The following NUBPL variants were observed in gnomAD, a reference collection of about 807,000 sequenced individuals.
NUBPL encodes the protein iron-sulfur cluster transfer protein NUBPL.
NUBPL carries 31 observed loss-of-function variants against 45.7 expected under a neutral mutation model. That is an observed-to-expected ratio of 0.68 (90% confidence interval 0.51 to 0.92). The LOEUF (loss-of-function observed/expected upper bound fraction) is 0.92, where lower values mean the gene tolerates loss of function less well. Among genes scored for constraint, NUBPL ranks in the 40% least tolerant of loss-of-function variants. The pLI, the probability that NUBPL is intolerant of heterozygous loss-of-function variation, is 0.00. For synonymous variants in NUBPL, 144 were observed against 140.9 expected, an observed-to-expected ratio of 1.02 and a Z score of -0.15; for missense variants, 401 against 398.7, an observed-to-expected ratio of 1.01 and a Z score of -0.05.
At chr14:31,593,556 G>A (rs2139534950) in intron 3 of NUBPL, among the ~76,000 whole-genome samples, 1 of 150,702 alleles carries the variant, frequency 6.6e-6, no homozygotes, top group South Asian at 2.1e-4. Flanking sequence ...GTTTTGGTAT[G>A]GGGGCGGAGG....
Position 31,830,157 on chromosome 14 carries a change from C to G in NUBPL, c.693+3443C>G, listed in dbSNP as rs561556194. On this transcript the variant is annotated intron_variant, in intron 8 of 10. Transcript: ENST00000281081. ...ATTAAAGTATATTTATTCTCTTACT[C>G]CTTCGGCACATAAGGGATCACTTAG... Among the ~76,000 whole-genome samples the G allele has an allele frequency of 4.6e-5, 7 of 152,256 alleles. No homozygotes were observed. The South Asian group carries it at 1.2e-3, about 27-fold the overall frequency.
chr14:31,768,007 A>T (rs1335935099), intron 6 of NUBPL, among the ~76,000 whole-genome samples: 1 of 152,172 alleles, frequency 6.6e-6, no homozygotes, highest in Non-Finnish European at 1.5e-5. Context: ...AGTTTGTTGG[A>T]TCTGCATTTT....
intron 4 of NUBPL, among the ~76,000 whole-genome samples, chr14:31,637,819 A>G (rs988268376): frequency 1.3e-5 from 2 of 152,166 alleles, no homozygotes; most frequent in African/African-American, 4.8e-5. Context: ...TTCTTGTTGA[A>G]TTGATCCCTT....
chr14:31,851,492 C>G (rs993093519), intron 10 of NUBPL, among the ~76,000 whole-genome samples: 1 of 152,094 alleles, frequency 6.6e-6, no homozygotes, highest in Non-Finnish European at 1.5e-5. Flanking sequence ...TAAGAGTCAG[C>G]AGCTATGGTA....
chr14:31,812,429 G>T (rs2039826242), intron 7 of NUBPL, among the ~76,000 whole-genome samples: 1 of 152,242 alleles, frequency 6.6e-6, no homozygotes, highest in South Asian at 2.1e-4. Flanking sequence ...GTGGGCAAGA[G>T]ATCCGCTTAG....
intron 7 of NUBPL, among the ~76,000 whole-genome samples, chr14:31,793,610 A>G (rs1374028836): frequency 6.6e-6 from 1 of 152,122 alleles, no homozygotes; most frequent in Non-Finnish European, 1.5e-5. Context: ...TACTCAGGAA[A>G]TGTTGAATCA....
At chr14:31,565,233 G>A (rs1364040846) in intron 3 of NUBPL, among the ~76,000 whole-genome samples, 185 bp downstream of exon 3, 2 of 152,108 alleles carry the variant, frequency 1.3e-5, no homozygotes, top group Non-Finnish European at 1.5e-5. Context: ...ATGTATTTAA[G>A]TGTTGACCAT....
intron 6 of NUBPL, among the ~76,000 whole-genome samples, chr14:31,767,302 A>G (rs990727059): frequency 3.3e-5 from 5 of 152,026 alleles, no homozygotes; most frequent in Non-Finnish European, 7.4e-5. Context: ...TCCCGGGTTC[A>G]AGCCATTCTC....
intron 6 of NUBPL, chr14:31,686,690 A>G (rs1467564413): frequency 1.3e-5 from 2 of 152,246 alleles, no homozygotes; most frequent in Non-Finnish European, 2.9e-5. Flanking sequence ...ATTGCTTTTC[A>G]TAACAACATG....
At chr14:31,694,791 G>A (rs7154830) in intron 6 of NUBPL, among the ~76,000 whole-genome samples, 44,749 of 152,118 alleles carry the variant, frequency 0.29, 7,457 homozygotes, top group South Asian at 0.41. Flanking sequence ...TGGGATTACA[G>A]GCGTGAGCCT....
intron 10 of NUBPL, 115 bp downstream of exon 10, chr14:31,850,316 G>T: frequency 1.2e-6 from 1 of 807,578 alleles, no homozygotes; most frequent in South Asian, 1.5e-5. Context: ...ATTTAAACAA[G>T]GATTATTTAA....
chr14:31,690,110 AG>A (rs2037059126), intron 6 of NUBPL, among the ~76,000 whole-genome samples: 1 of 151,896 alleles, frequency 6.6e-6, no homozygotes, highest in South Asian at 2.1e-4. Flanking sequence ...AATGCCACAG[AG>A]GACACTTATT....
chr14:31,732,364 T>G (rs1290013986), intron 6 of NUBPL, among the ~76,000 whole-genome samples: 1 of 151,970 alleles, frequency 6.6e-6, no homozygotes, highest in Admixed American at 6.6e-5. Context: ...GAATCTTTTT[T>G]AAAAACACTT....
intron 4 of NUBPL, among the ~76,000 whole-genome samples, chr14:31,668,393 G>A (rs1465775390): frequency 6.6e-6 from 1 of 152,146 alleles, no homozygotes; most frequent in African/African-American, 2.4e-5. Flanking sequence ...CCTCAGTATT[G>A]GTTGACGCCC....
At chr14:31,605,591 G>T (rs1028269503) in intron 4 of NUBPL, among the ~76,000 whole-genome samples, 28 of 152,240 alleles carry the variant, frequency 1.8e-4, no homozygotes, top group African/African-American at 6.3e-4. Context: ...TCAAGTTTAG[G>T]AATTAATGTG....
chr14:31,780,808 G>A (rs779354942), intron 6 of NUBPL, among the ~76,000 whole-genome samples: 7 of 152,172 alleles, frequency 4.6e-5, no homozygotes, highest in Non-Finnish European at 8.8e-5. Context: ...AGGTATTTCG[G>A]TAGCATATAA....
chr14:31,809,012 G>T (rs987022453), intron 7 of NUBPL, among the ~76,000 whole-genome samples: 5 of 152,074 alleles, frequency 3.3e-5, no homozygotes, highest in Non-Finnish European at 7.4e-5. Flanking sequence ...TGCTGGATTC[G>T]GTTTGCCAGT....
chr14:31,711,568 G>A (rs886588137), intron 6 of NUBPL, among the ~76,000 whole-genome samples: 3 of 152,022 alleles, frequency 2.0e-5, no homozygotes, highest in Non-Finnish European at 4.4e-5. Context: ...GTGGGTTCTT[G>A]GTCTCGCAGA....
intron 10 of NUBPL, among the ~76,000 whole-genome samples, chr14:31,852,917 T>C (rs2040560516): frequency 6.6e-6 from 1 of 152,230 alleles, no homozygotes; most frequent in Non-Finnish European, 1.5e-5. Context: ...TTCTGTTGTA[T>C]TCATAGAAGC....
Sources: allele counts gnomAD v4.1 joint callset (sites outside exome capture counted in the v4.1 genomes callset), GRCh38; gene constraint gnomAD v4.1.1; transcripts MANE v1.5; gene names NCBI Gene and HGNC (gene_info 2026-07-23, HGNC 2026-07-21).